TTI2: variants seen among roughly 807,000 people sequenced by gnomAD.
TTI2 encodes TELO2-interacting protein 2.
In TTI2, 26 loss-of-function variants were observed where a neutral mutation model predicts 44.9. That is an observed-to-expected ratio of 0.58 (90% CI 0.42 to 0.80). The LOEUF (loss-of-function observed/expected upper bound fraction) is 0.80. Among genes scored for constraint, TTI2 ranks in the 30% least tolerant of loss-of-function variants. TTI2 has a pLI of 0.00. For missense variants in TTI2, 582 were observed against 611.6 expected (o/e 0.95, Z 0.51); for synonymous variants, 254 against 250.9 (o/e 1.01, Z -0.12).
At chr8:33,500,180 T>G in intron 7 of TTI2, 148 bp downstream of exon 7, 1 of 805,728 alleles carries the variant, frequency 1.2e-6, no homozygotes, top group Non-Finnish European at 1.9e-6. Context: ...CAAGCTCTTT[T>G]GAGGCTAGAG....
In TTI2 at chr8:33,499,084, G is replaced by T; in HGVS notation, c.*89C>A. 2 of 1,139,606 alleles carry T rather than the reference G, an allele frequency of 1.8e-6. No homozygotes were observed. The highest frequency in any genetic ancestry group is 2.6e-6 in the Non-Finnish European group (2 of 763,816). 70.6% of individuals were successfully genotyped at this position (1,139,606 alleles called of 1,614,324 possible). A position where few individuals can be genotyped will look rare whatever the true frequency, so the allele number is the denominator to read the frequency against. On this transcript the variant is annotated 3_prime_UTR_variant, in exon 8 of 8. Transcript: ENST00000431156. Reference sequence around the variant, plus strand: ...GCAGCTTTCACTTACAAAGTTTCGTGTAAAAATATCTTTTTTTCTTAAATA... The same window carrying T: ...GCAGCTTTCACTTACAAAGTTTCGTTTAAAAATATCTTTTTTTCTTAAATA...
chr8:33,508,905 C>T (rs1463328135), intron 3 of TTI2, among the ~76,000 whole-genome samples: 1 of 151,688 alleles, frequency 6.6e-6, no homozygotes, highest in Non-Finnish European at 1.5e-5. Context: ...ACTATGGGAG[C>T]CCAAGACAGG....
At chr8:33,501,634 C>T (rs1456741053) in intron 6 of TTI2, among the ~76,000 whole-genome samples, 5 of 152,080 alleles carry the variant, frequency 3.3e-5, no homozygotes, top group East Asian at 3.8e-4. Flanking sequence ...ATTATAATTC[C>T]GTAGGGAGAA....
In TTI2 at chr8:33,509,876, T is replaced by A; in HGVS notation, c.704A>T (p.Gln235Leu). Reference sequence around the variant, plus strand: ...CTGGCTCAGCCAGGGCCGAGTGACCTGTTGCAGAGTCCATGAGAAAACATG... The same window carrying A: ...CTGGCTCAGCCAGGGCCGAGTGACCAGTTGCAGAGTCCATGAGAAAACATG... ...IKHVFSWTLQQVTRPWLSQHL... is the reference protein window; with the variant it reads ...IKHVFSWTLQLVTRPWLSQHL... The change falls in exon 3 of 8, where the codon CAG (glutamine) becomes CTG (leucine). Residue 235 changes from glutamine to leucine, a missense_variant. Transcript: ENST00000431156. 1 of 1,613,792 alleles carries A rather than the reference T, an allele frequency of 6.2e-7. No homozygotes were observed.
intron 2 of TTI2, among the ~76,000 whole-genome samples, chr8:33,510,987 G>A (rs573940363): frequency 1.7e-4 from 26 of 152,194 alleles, no homozygotes; most frequent in African/African-American, 6.3e-4. Context: ...AGATCCCCAA[G>A]TCTAAATTCA....
intron 3 of TTI2, among the ~76,000 whole-genome samples, chr8:33,509,455 CAAAA>C (rs767485555): frequency 1.4e-5 from 1 of 69,582 alleles, no homozygotes; most frequent in Non-Finnish European, 2.6e-5. Flanking sequence ...GACTCCCTCT[CAAAA>C]AAAAAAAAAA....
rs1483099472 is a variant in TTI2 at position 33,503,397 on chromosome 8, G to C, written c.1259+32C>G. 3 of 1,613,792 alleles carry C rather than the reference G, an allele frequency of 1.9e-6. No homozygotes were observed. The South Asian group carries it at 3.3e-5, about 18-fold the overall frequency. On this transcript the variant is annotated intron_variant, in intron 6 of 7. Coordinates refer to ENST00000431156, the MANE Select transcript of TTI2 (RefSeq NM_001102401.4). ...CCAAGCAAGTTCTCAAGAGAAAATC[G>C]GCTGAGTTTTGCACCTTAAGGCTGC...
At chr8:33,511,714 C>A (rs970367797) in intron 2 of TTI2, among the ~76,000 whole-genome samples, 2 of 151,852 alleles carry the variant, frequency 1.3e-5, no homozygotes, top group East Asian at 3.9e-4. Flanking sequence ...ATGGTGAAAC[C>A]CCGTCTCTAC....
At position 33,501,784 on chromosome 8, in the gene TTI2, C is replaced by T. The variant is rs373935354; in HGVS notation, c.1260-1294G>A. On this transcript the variant is annotated intron_variant, in intron 6 of 7. Transcript: ENST00000431156. Reference sequence around the variant, plus strand: ...GAATAGCTACTGTATGTTGTTGGGGCACTAGATTCTCTGGCTGAATTCAAT... The same window carrying T: ...GAATAGCTACTGTATGTTGTTGGGGTACTAGATTCTCTGGCTGAATTCAAT... 2.6e-5 allele frequency among the ~76,000 whole-genome samples: 4 copies of T among 152,076 alleles called. 1 individual carries two copies. Among genetic ancestry groups the T allele is most frequent in the South Asian group, 4.2e-4 (2 of 4,818 alleles).
In TTI2 at chr8:33,512,636, C is replaced by T; in HGVS notation, c.-23G>A. 1 of 1,610,242 alleles carries T rather than the reference C, an allele frequency of 6.2e-7. No individual in the cohort carries two copies. The highest frequency in any genetic ancestry group is 8.5e-7 in the Non-Finnish European group (1 of 1,179,912). On this transcript the variant is annotated 5_prime_UTR_variant, in exon 2 of 8. Transcript: ENST00000431156. Reference sequence around the variant, plus strand: ...CATTCCTGACTGCAGCACCAGAAGGCTGGTCTCTCCCACAGAACGAGGATG... The same window carrying T: ...CATTCCTGACTGCAGCACCAGAAGGTTGGTCTCTCCCACAGAACGAGGATG...
chr8:33,507,988 CAAAA>C (rs35037238), intron 3 of TTI2, among the ~76,000 whole-genome samples: 7 of 93,852 alleles, frequency 7.5e-5, no homozygotes, highest in Admixed American at 1.3e-4. Context: ...GACCCTGTCT[CAAAA>C]AAAAAAAAAA....
rs536963979 is a variant in TTI2 at position 33,499,184 on chromosome 8, T to G, written c.1516A>C (p.Asn506His). The change falls in exon 8 of 8, where the codon AAT (asparagine) becomes CAT (histidine). Residue 506 changes from asparagine (N) to histidine (H), a missense_variant. Asn to His is a moderately conservative substitution (Grantham distance 68). Transcript: ENST00000431156. ...AAGTAATACAAGTCTTAAGTTCCATTGTAGGGTGCGCCTTCAGAAACCTGC... is the reference window on the plus strand; with the variant it reads ...AAGTAATACAAGTCTTAAGTTCCATGGTAGGGTGCGCCTTCAGAAACCTGC... ...VQQVSEGAPY[N>H]GT The G allele has an allele frequency of 1.1e-4, 171 of 1,613,594 alleles. No individual in the cohort carries two copies. In the South Asian group the frequency reaches 1.8e-3, roughly 17 times the overall value.
intron 4 of TTI2, among the ~76,000 whole-genome samples, chr8:33,505,480 T>G (rs1809260128): frequency 7.6e-6 from 1 of 132,088 alleles, no homozygotes; most frequent in East Asian, 2.2e-4. Flanking sequence ...TGAAAGCCAC[T>G]GCACCTTTTT....
rs543976217 is a variant in TTI2 at position 33,505,559 on chromosome 8, G to A, written c.928-1624C>T. Among the ~76,000 whole-genome samples the A allele has an allele frequency of 2.0e-4, 30 of 151,198 alleles. No individual in the cohort carries two copies. In the South Asian group the frequency reaches 5.4e-3, roughly 27 times the overall value. ...GGCTGGAGGGCAATGGCATGATCTC[G>A]GCTCACTGCAACCTCTGCCTCCTGG... On this transcript the variant is annotated intron_variant, in intron 4 of 7. Coordinates refer to ENST00000431156, the MANE Select transcript of TTI2 (RefSeq NM_001102401.4).
At chr8:33,500,267 A>G in intron 7 of TTI2, 61 bp downstream of exon 7, 1 of 1,597,666 alleles carries the variant, frequency 6.3e-7, no homozygotes, top group Admixed American at 1.7e-5. Context: ...ATTATAATCA[A>G]TCATGGGAAT....
At chr8:33,510,331 TG>T (rs1809482895) in intron 2 of TTI2, among the ~76,000 whole-genome samples, 2 of 152,146 alleles carry the variant, frequency 1.3e-5, no homozygotes, top group Non-Finnish European at 2.9e-5. Context: ...ATAAAGTGAG[TG>T]TACACACGAC....
In TTI2 at chr8:33,508,344, T is replaced by C. The variant is rs1477341281; in HGVS notation, c.835-1023A>G. Among the ~76,000 whole-genome samples the C allele has an allele frequency of 2.0e-5, 3 of 151,638 alleles. No homozygotes were observed. In the East Asian group the frequency reaches 5.8e-4, roughly 29 times the overall value. ...GCTGAGGCCGGGCTCACGCCTATAATCAATCCCAGCACTTTAGGAGGCCGA... is the reference window on the plus strand; with the variant it reads ...GCTGAGGCCGGGCTCACGCCTATAACCAATCCCAGCACTTTAGGAGGCCGA... On this transcript the variant is annotated intron_variant, in intron 3 of 7. Transcript: ENST00000431156.
rs1038077253 is a variant in TTI2, at chr8:33,509,893, G to A, written c.687C>T (p.Phe229=). ...GAGTGACCTGTTGCAGAGTCCATGA[G>A]AAAACATGTTTGATGGCAGGGTTAT... ...WKNNPAIKHV[F]SWTLQQVTRP... is the part of the protein sequence containing the mutation. The change falls in exon 3 of 8, where the codon TTC becomes TTT. Residue 229 remains phenylalanine, a synonymous_variant. Coordinates refer to ENST00000431156, the MANE Select transcript of TTI2 (RefSeq NM_001102401.4). 3.9e-6 allele frequency: 6 copies of A among 1,538,086 alleles called. No individual in the cohort carries two copies. The highest frequency in any genetic ancestry group is 4.4e-6 in the Non-Finnish European group (5 of 1,135,760).
chr8:33,503,338 A>G, intron 6 of TTI2, 91 bp downstream of exon 6: 1 of 1,561,420 alleles, frequency 6.4e-7, no homozygotes, highest in Non-Finnish European at 8.8e-7. Flanking sequence ...CATAGTATAC[A>G]TTTAATACTT....
Sources: allele counts gnomAD v4.1 joint callset (sites outside exome capture counted in the v4.1 genomes callset), GRCh38; gene constraint gnomAD v4.1.1; transcripts MANE v1.5; gene names NCBI Gene and HGNC (gene_info 2026-07-23, HGNC 2026-07-21).